L3MBTL3: variants seen among roughly 807,000 people sequenced by gnomAD.
The protein encoded by L3MBTL3 is L3MBTL histone methyl-lysine binding protein 3.
In L3MBTL3, 27 loss-of-function variants were observed where a neutral mutation model predicts 102.3. The ratio of observed to expected loss-of-function variants is 0.26; its 90% CI spans 0.19 to 0.36. The LOEUF (loss-of-function observed/expected upper bound fraction) is 0.36, where lower values mean the gene tolerates loss of function less well. L3MBTL3 is among the 10% of genes least tolerant of loss of function. The pLI is 1.00. For synonymous variants in L3MBTL3, 340 were observed against 320.9 expected, an observed-to-expected ratio of 1.06 and a Z score of -0.64; for missense variants, 798 against 955.3, an observed-to-expected ratio of 0.84 and a Z score of 2.17.
rs564618464 is a variant in L3MBTL3 at position 130,089,205 on chromosome 6, A to G, written c.1518+2955A>G. 8.6e-5 allele frequency among the ~76,000 whole-genome samples: 13 copies of G among 151,772 alleles called. No individual in the cohort carries two copies. The East Asian group carries it at 2.5e-3, about 29-fold the overall frequency. On this transcript the variant is annotated intron_variant, in intron 16 of 22. Coordinates refer to ENST00000361794, the MANE Select transcript of L3MBTL3 (RefSeq NM_032438.4). Reference sequence around the variant, plus strand: ...TACATTAGGTATTTCTCCTAATGCTATCCCTCCCCCTGCCCCCCACCCCAT... The same window carrying G: ...TACATTAGGTATTTCTCCTAATGCTGTCCCTCCCCCTGCCCCCCACCCCAT...
chr6:130,084,914 C>G (rs1244641245), intron 15 of L3MBTL3, among the ~76,000 whole-genome samples: 6 of 152,134 alleles, frequency 3.9e-5, no homozygotes, highest in African/African-American at 1.4e-4. Context: ...ACTACAATCT[C>G]CACCTCACAG....
chr6:130,138,966 G>A (rs149544432), intron 22 of L3MBTL3, among the ~76,000 whole-genome samples: 3 of 152,214 alleles, frequency 2.0e-5, no homozygotes, highest in African/African-American at 4.8e-5. Context: ...TCCAGAGAGA[G>A]GAAGGGTCTT....
intron 1 of L3MBTL3, among the ~76,000 whole-genome samples, chr6:130,019,884 G>A (rs1305827428): frequency 7.0e-6 from 1 of 143,804 alleles, no homozygotes. Context: ...GCCGCGGGCC[G>A]GGCCGGGAGC....
At chr6:130,103,862 A>G (rs1784839080) in intron 18 of L3MBTL3, among the ~76,000 whole-genome samples, 1 of 152,228 alleles carries the variant, frequency 6.6e-6, no homozygotes, top group South Asian at 2.1e-4. Flanking sequence ...TTTTCATCTT[A>G]TGAACAAGAT....
chr6:130,069,920 A>G (rs1485227844), intron 12 of L3MBTL3, among the ~76,000 whole-genome samples: 2 of 152,232 alleles, frequency 1.3e-5, no homozygotes, highest in African/African-American at 2.4e-5. Flanking sequence ...AGATTTCTGT[A>G]TAGCATTAGT....
At chr6:130,053,383 C>T (rs1345421062) in intron 7 of L3MBTL3, among the ~76,000 whole-genome samples, 1 of 152,130 alleles carries the variant, frequency 6.6e-6, no homozygotes. Flanking sequence ...TGCCTGTAAT[C>T]CCAGCACTTT....
rs540387913 is a variant in L3MBTL3, at chr6:130,126,067, C to G, written c.1966+5109C>G. Reference sequence around the variant, plus strand: ...CTTTGGGGACTTTAACTCAATACTTCCCTCCCTCGCTCCCTCCCTCCCTCC... The same window carrying G: ...CTTTGGGGACTTTAACTCAATACTTGCCTCCCTCGCTCCCTCCCTCCCTCC... On this transcript the variant is annotated intron_variant, in intron 20 of 22. Coordinates refer to ENST00000361794, the MANE Select transcript of L3MBTL3 (RefSeq NM_032438.4). 2.0e-5 allele frequency among the ~76,000 whole-genome samples: 3 copies of G among 151,360 alleles called. No homozygotes were observed. In the East Asian group the frequency reaches 5.8e-4, roughly 29 times the overall value.
Position 130,071,036 on chromosome 6 carries a change from C to A in L3MBTL3, c.1153C>A (p.Pro385Thr), listed in dbSNP as rs1782607123. 1 of 1,612,910 alleles carries A rather than the reference C, an allele frequency of 6.2e-7. No homozygotes were observed. The highest frequency in any genetic ancestry group is 8.5e-7 in the Non-Finnish European group (1 of 1,179,176). ...GCTTGAGGCAGTAGACAAAAAGAAT[C>A]CCTCATTCATCTGTGTTGCTACGGT... The part of the protein sequence containing the change: ...MKLEAVDKKN[P>T]SFICVATVTD... The change falls in exon 13 of 23, where the codon CCC becomes ACC. Residue 385 changes from proline (P) to threonine (T), a missense_variant. Coordinates refer to ENST00000361794, the MANE Select transcript of L3MBTL3 (RefSeq NM_032438.4).
At chr6:130,100,695 G>T (rs2115318117) in intron 18 of L3MBTL3, among the ~76,000 whole-genome samples, 1 of 151,930 alleles carries the variant, frequency 6.6e-6, no homozygotes. Flanking sequence ...AATGGCTGCA[G>T]TCTTACCCCT....
At chr6:130,105,281 G>A (rs754633895) in intron 19 of L3MBTL3, among the ~76,000 whole-genome samples, 17 of 152,136 alleles carry the variant, frequency 1.1e-4, no homozygotes, top group East Asian at 1.9e-4. Flanking sequence ...TATAATTTCC[G>A]TTATTCTGGA....
chr6:130,121,249 C>T (rs1305585107), intron 20 of L3MBTL3, among the ~76,000 whole-genome samples: 1 of 152,110 alleles, frequency 6.6e-6, no homozygotes, highest in Non-Finnish European at 1.5e-5. Context: ...CAAGTAGACT[C>T]CAGTGTCTGT....
At chr6:130,060,004 G>A (rs1418457698) in intron 9 of L3MBTL3, 32 bp from the exon 10 acceptor site, 4 of 1,231,688 alleles carry the variant, frequency 3.2e-6, no homozygotes, top group East Asian at 4.7e-5. Flanking sequence ...TTTGGGATAA[G>A]GGACTAAAAC....
chr6:130,066,026 T>A (rs956606259), intron 10 of L3MBTL3, among the ~76,000 whole-genome samples: 1 of 152,098 alleles, frequency 6.6e-6, no homozygotes, highest in African/African-American at 2.4e-5. Flanking sequence ...GCCTTCCAGC[T>A]TACCCTGGGG....
chr6:130,074,359 G>C (rs146396585), intron 13 of L3MBTL3, among the ~76,000 whole-genome samples: 2,187 of 152,228 alleles, frequency 0.014, 28 homozygotes, highest in Middle Eastern at 0.054. Flanking sequence ...AATAAAAATG[G>C]CTTCACCTCT....
intron 11 of L3MBTL3, among the ~76,000 whole-genome samples, chr6:130,067,394 G>C (rs1669053000): frequency 6.6e-6 from 1 of 152,170 alleles, no homozygotes; most frequent in South Asian, 2.1e-4. Context: ...GATTACAGGT[G>C]TAAGCCACCG....
intron 20 of L3MBTL3, among the ~76,000 whole-genome samples, chr6:130,128,596 G>A (rs145064026): frequency 9.9e-5 from 15 of 152,278 alleles, no homozygotes; most frequent in African/African-American, 3.6e-4. Flanking sequence ...TGAAAAGGAA[G>A]CTGGGGAATA....
At chr6:130,040,153 C>T (rs899756442) in intron 2 of L3MBTL3, among the ~76,000 whole-genome samples, 1 of 151,796 alleles carries the variant, frequency 6.6e-6, no homozygotes, top group African/African-American at 2.4e-5. Flanking sequence ...ATGGTGAAAC[C>T]CTGTCTCTAC....
chr6:130,049,453 C>A, intron 4 of L3MBTL3, 60 bp downstream of exon 4: 1 of 1,148,530 alleles, frequency 8.7e-7, no homozygotes, highest in Non-Finnish European at 1.3e-6. Flanking sequence ...ATAAGAATAT[C>A]TAAAGTTTTA....
intron 20 of L3MBTL3, among the ~76,000 whole-genome samples, chr6:130,132,305 T>C (rs1787137170): frequency 6.6e-6 from 1 of 152,124 alleles, no homozygotes; most frequent in Admixed American, 6.5e-5. Flanking sequence ...TAAATGAATC[T>C]ATGGTGTTAG....
Sources: allele counts gnomAD v4.1 joint callset (sites outside exome capture counted in the v4.1 genomes callset), GRCh38; gene constraint gnomAD v4.1.1; transcripts MANE v1.5; gene names NCBI Gene and HGNC (gene_info 2026-07-23, HGNC 2026-07-21).